The following ZNF385D variants were observed in gnomAD, a reference collection of about 807,000 sequenced individuals.
ZNF385D encodes the protein zinc finger protein 385D.
ZNF385D carries 15 observed loss-of-function variants against 35.8 expected under a neutral mutation model. That is an observed-to-expected ratio of 0.42 (90% confidence interval 0.28 to 0.64). The LOEUF is 0.64. Among genes scored for constraint, ZNF385D ranks in the 30% least tolerant of loss-of-function variants. The pLI, the probability that ZNF385D is intolerant of heterozygous loss-of-function variation, is 0.23. For synonymous variants in ZNF385D, 212 were observed against 186.8 expected, an observed-to-expected ratio of 1.13 and a Z score of -1.10; for missense variants, 474 against 494.6, an observed-to-expected ratio of 0.96 and a Z score of 0.39.
At chr3:22,073,664 T>C (rs1700332612) in intron 3 of ZNF385D, among the ~76,000 whole-genome samples, 1 of 151,880 alleles carries the variant, frequency 6.6e-6, no homozygotes, top group African/African-American at 2.4e-5. Flanking sequence ...AGGAGCATAG[T>C]ACCAGCTATC....
chr3:21,465,128 C>G lies in ZNF385D; in HGVS notation c.440-27925G>C, dbSNP rs570958609. ...CAAAGCTGTCTCTGTCTATATGGAG[C>G]ATTTTTGTTAAATATTTCTTTGCAC... On this transcript the variant is annotated intron_variant, in intron 4 of 7. Transcript: ENST00000281523. This position sits in a 1 kb window ranked among gnomAD's most constrained non-coding sequence, Gnocchi z 4.2. Among the ~76,000 whole-genome samples, 1 of 152,114 alleles carries G rather than the reference C, an allele frequency of 6.6e-6. No homozygotes were observed. Among genetic ancestry groups the G allele is most frequent in the Admixed American group, 6.6e-5 (1 of 15,264 alleles).
chr3:21,970,254 C>A (rs993464153), intron 3 of ZNF385D, among the ~76,000 whole-genome samples: 2 of 152,092 alleles, frequency 1.3e-5, no homozygotes, highest in Non-Finnish European at 2.9e-5. Flanking sequence ...CCCAGAGACA[C>A]AGAGATATGT....
intron 2 of ZNF385D, among the ~76,000 whole-genome samples, chr3:22,308,929 T>C (rs911641803): frequency 2.0e-5 from 3 of 152,138 alleles, no homozygotes; most frequent in African/African-American, 7.2e-5. Context: ...ATTTGCTTTA[T>C]AATTTAGGAA....
At chr3:22,120,162 G>A (rs777537276) in intron 3 of ZNF385D, among the ~76,000 whole-genome samples, 5 of 151,820 alleles carry the variant, frequency 3.3e-5, no homozygotes, top group African/African-American at 4.8e-5. Flanking sequence ...ACTTAATGAA[G>A]GTAGAGTGCC....
At chr3:21,814,322 A>C (rs1250554932) in intron 3 of ZNF385D, among the ~76,000 whole-genome samples, 1 of 152,206 alleles carries the variant, frequency 6.6e-6, no homozygotes, top group East Asian at 1.9e-4. Flanking sequence ...TAACATCATA[A>C]TGATAGGATC....
intron 3 of ZNF385D, among the ~76,000 whole-genome samples, chr3:22,036,201 T>C (rs970395990): frequency 6.6e-6 from 1 of 152,158 alleles, no homozygotes; most frequent in South Asian, 2.1e-4. Context: ...AAAGGATTCA[T>C]GGGGGTGAAG....
intron 2 of ZNF385D, among the ~76,000 whole-genome samples, chr3:21,618,445 T>A (rs979061952): frequency 6.6e-6 from 1 of 152,172 alleles, no homozygotes; most frequent in African/African-American, 2.4e-5. Flanking sequence ...GACTTCTGGC[T>A]TCCAGAACTG....
At chr3:22,175,914 T>TTA (rs533604912) in intron 2 of ZNF385D, among the ~76,000 whole-genome samples, 6 of 148,656 alleles carry the variant, frequency 4.0e-5, no homozygotes, top group Admixed American at 1.3e-4. Flanking sequence ...TAAATATATA[T>TTA]TATATATAAT....
intron 3 of ZNF385D, among the ~76,000 whole-genome samples, chr3:21,916,457 A>G (rs146327533): frequency 6.6e-6 from 1 of 152,324 alleles, no homozygotes; most frequent in African/African-American, 2.4e-5. Flanking sequence ...TCTGCACCCA[A>G]TTAATACTTT....
chr3:22,276,138 T>C (rs1231959791), intron 2 of ZNF385D, among the ~76,000 whole-genome samples: 3 of 152,068 alleles, frequency 2.0e-5, no homozygotes, highest in African/African-American at 4.8e-5. Flanking sequence ...TGGGGCACTG[T>C]CACAAAAATG....
intron 3 of ZNF385D, among the ~76,000 whole-genome samples, chr3:21,940,590 C>T (rs1246044387): frequency 1.3e-5 from 2 of 152,126 alleles, no homozygotes; most frequent in Admixed American, 6.5e-5. Context: ...CAAACCTAGT[C>T]TATATGCTAT....
intron 2 of ZNF385D, among the ~76,000 whole-genome samples, chr3:21,651,008 G>A (rs547744845): frequency 1.4e-4 from 21 of 151,998 alleles, no homozygotes; most frequent in South Asian, 6.2e-4. Flanking sequence ...GGCCAGGCGC[G>A]GTGGCTCACG....
chr3:22,123,956 CTCTCTCTATATA>C (rs763229642), intron 3 of ZNF385D, among the ~76,000 whole-genome samples: 1,624 of 86,384 alleles, frequency 0.019, 17 homozygotes, highest in Non-Finnish European at 0.029. Context: ...CTCTCTCTCT[CTCTCTCTATATA>C]TATATATATA....
chr3:22,299,465 A>G (rs67037981), intron 2 of ZNF385D, among the ~76,000 whole-genome samples: 84,080 of 151,408 alleles, frequency 0.56, 23,759 homozygotes, highest in South Asian at 0.67. Flanking sequence ...TCATAATTTG[A>G]AAAAAAGAAA....
At chr3:21,830,368 A>G (rs1413379353) in intron 3 of ZNF385D, among the ~76,000 whole-genome samples, 1 of 152,156 alleles carries the variant, frequency 6.6e-6, no homozygotes, top group Non-Finnish European at 1.5e-5. Flanking sequence ...TTGATCTGTT[A>G]TGTTACCAGT....
chr3:21,685,254 G>A (rs745585858), intron 1 of ZNF385D, among the ~76,000 whole-genome samples: 1 of 152,166 alleles, frequency 6.6e-6, no homozygotes, highest in Non-Finnish European at 1.5e-5. Context: ...TGCAAGAGGA[G>A]TGTCTCTGAA....
At chr3:22,313,622 A>G (rs1321056010) in intron 2 of ZNF385D, among the ~76,000 whole-genome samples, 1 of 152,190 alleles carries the variant, frequency 6.6e-6, no homozygotes, top group Non-Finnish European at 1.5e-5. Context: ...GCTAAGGCAA[A>G]GTGATACAAG....
chr3:21,659,552 G>T lies in ZNF385D; in HGVS notation c.165+5334C>A, dbSNP rs536362053. Reference sequence around the variant, plus strand: ...GAGCAATGTCATACAAGGAAGGCTCGTAGCATTTCTGGAAGCTAAAATATA... The same window carrying T: ...GAGCAATGTCATACAAGGAAGGCTCTTAGCATTTCTGGAAGCTAAAATATA... On this transcript the variant is annotated intron_variant, in intron 2 of 7. Transcript: ENST00000281523. 1.5e-4 allele frequency among the ~76,000 whole-genome samples: 23 copies of T among 152,176 alleles called. 1 individual carries two copies. In the South Asian group the frequency reaches 4.8e-3, roughly 32 times the overall value.
intron 2 of ZNF385D, among the ~76,000 whole-genome samples, chr3:22,356,255 A>C (rs1696143746): frequency 6.6e-6 from 1 of 151,976 alleles, no homozygotes; most frequent in Non-Finnish European, 1.5e-5. Context: ...GGGCATTTTA[A>C]AATGGTCTAC....
Sources: gnomAD v4.1 joint callset for allele counts (sites outside exome capture counted in the v4.1 genomes callset) on GRCh38, gnomAD v4.1.1 for gene constraint, Gnocchi (gnomAD v3.1) non-coding constraint, MANE v1.5 for transcripts, NCBI Gene and HGNC (gene_info 2026-07-23, HGNC 2026-07-21) for gene names.